MAGI1: variants seen among roughly 807,000 people sequenced by gnomAD.
MAGI1 encodes the protein membrane-associated guanylate kinase, WW and PDZ domain-containing protein 1.
Under a neutral mutation model 139.9 loss-of-function variants are expected in MAGI1, and 58 were observed. That is an observed-to-expected ratio of 0.41 (90% confidence interval 0.34 to 0.52). The LOEUF is 0.52. Ranked by LOEUF, MAGI1 falls within the 20% of genes least tolerant of loss-of-function variation. The pLI, the probability that MAGI1 is intolerant of heterozygous loss-of-function variation, is 0.12. For synonymous variants in MAGI1, 812 were observed against 737.9 expected, an observed-to-expected ratio of 1.10 and a Z score of -1.63; for missense variants, 1,874 against 1,901.6, an observed-to-expected ratio of 0.99 and a Z score of 0.27.
At chr3:65,571,412 A>T (rs2080955165) in intron 2 of MAGI1, among the ~76,000 whole-genome samples, 2 of 152,088 alleles carry the variant, frequency 1.3e-5, no homozygotes. Flanking sequence ...CTCAAAGAAA[A>T]TGGTATAGTG....
chr3:65,430,438 A>G (rs1279178737), intron 11 of MAGI1, among the ~76,000 whole-genome samples: 2 of 152,134 alleles, frequency 1.3e-5, no homozygotes, highest in African/African-American at 2.4e-5. Context: ...ATGGGGATCT[A>G]CAGTTTTAGT....
At chr3:65,786,187 C>T (rs759902657) in intron 1 of MAGI1, among the ~76,000 whole-genome samples, 4 of 151,522 alleles carry the variant, frequency 2.6e-5, no homozygotes, top group Admixed American at 6.6e-5. Context: ...AACTTCTAAC[C>T]TCAGGTGATC....
chr3:65,867,043 C>A (rs2059753355), intron 1 of MAGI1, among the ~76,000 whole-genome samples: 1 of 152,140 alleles, frequency 6.6e-6, no homozygotes, highest in South Asian at 2.1e-4. Flanking sequence ...TTCAAGGGTC[C>A]ATGAGCATGC....
At position 65,449,693 on chromosome 3, in the gene MAGI1, T is replaced by C. The variant is rs957317369; in HGVS notation, c.1043-1636A>G. Among the ~76,000 whole-genome samples the C allele has an allele frequency of 5.3e-5, 8 of 152,078 alleles. No homozygotes were observed. The South Asian group carries it at 1.7e-3, about 32-fold the overall frequency. The stretch of plus-strand genomic sequence containing the variant: ...CGGGAGGCTGAGGCAGGAGAATCGC[T>C]TGAACAGGGAGGCAAAGGTTGCAGT... On this transcript the variant is annotated intron_variant, in intron 6 of 22. Coordinates refer to ENST00000402939, the MANE Select transcript of MAGI1 (RefSeq NM_001033057.2).
At chr3:65,894,668 C>T (rs2060899777) in intron 1 of MAGI1, among the ~76,000 whole-genome samples, 1 of 152,222 alleles carries the variant, frequency 6.6e-6, no homozygotes, top group South Asian at 2.1e-4. Context: ...CCACCTAGGA[C>T]AGTGGTGCAA....
At chr3:65,622,176 C>A in intron 1 of MAGI1, 88 bp from the exon 2 acceptor site, 1 of 937,272 alleles carries the variant, frequency 1.1e-6, no homozygotes, top group Non-Finnish European at 1.7e-6. Flanking sequence ...AAGAAAGCCA[C>A]AGGATGCAGT....
chr3:66,024,257 C>G (rs1057101352), intron 1 of MAGI1, among the ~76,000 whole-genome samples: 18 of 148,002 alleles, frequency 1.2e-4, no homozygotes, highest in African/African-American at 4.0e-4. Flanking sequence ...GTTTGGTTCA[C>G]CCTTTTTTTA....
rs146423759 is a variant in MAGI1, at chr3:65,807,898, G to C, written c.314-185810C>G. 9.5e-4 allele frequency among the ~76,000 whole-genome samples: 145 copies of C among 152,260 alleles called. 1 individual carries two copies. The highest frequency in any genetic ancestry group is 3.3e-3 in the African/African-American group (138 of 41,564). On this transcript the variant is annotated intron_variant, in intron 1 of 22. Coordinates refer to ENST00000402939, the MANE Select transcript of MAGI1 (RefSeq NM_001033057.2). ...GTAAATTATCCAAGATCACAGGGCT[G>C]TTTTTTCTGATGGAGCCAAGATTTA... is the stretch of plus-strand genomic sequence containing the variant.
At chr3:65,508,936 C>T (rs1454465438) in intron 2 of MAGI1, among the ~76,000 whole-genome samples, 1 of 152,182 alleles carries the variant, frequency 6.6e-6, no homozygotes, top group African/African-American at 2.4e-5. Context: ...ATCTTTATTT[C>T]CTCCATTTGG....
intron 1 of MAGI1, among the ~76,000 whole-genome samples, chr3:65,921,003 T>C (rs1200666948): frequency 6.6e-6 from 1 of 151,278 alleles, no homozygotes; most frequent in African/African-American, 2.4e-5. Context: ...CACTCCAGCC[T>C]GGGTGACAGA....
chr3:65,738,299 G>T (rs6785772), intron 1 of MAGI1, among the ~76,000 whole-genome samples: 51,337 of 152,082 alleles, frequency 0.34, 9,093 homozygotes, highest in Non-Finnish European at 0.4. Context: ...AGCCTCCTGA[G>T]TTGCTAGGAC....
intron 1 of MAGI1, among the ~76,000 whole-genome samples, chr3:65,664,026 A>G (rs1193118997): frequency 6.6e-6 from 1 of 152,234 alleles, no homozygotes; most frequent in African/African-American, 2.4e-5. Flanking sequence ...TAATATGTTC[A>G]TTATGAAACA....
chr3:65,370,815 T>C (rs1367028260), intron 18 of MAGI1, among the ~76,000 whole-genome samples: 1 of 152,162 alleles, frequency 6.6e-6, no homozygotes, highest in African/African-American at 2.4e-5. Flanking sequence ...CCACCTCTCC[T>C]AGCTAATTGT....
chr3:65,736,290 A>G (rs2034721898), intron 1 of MAGI1, among the ~76,000 whole-genome samples: 1 of 152,204 alleles, frequency 6.6e-6, no homozygotes, highest in South Asian at 2.1e-4. Flanking sequence ...TTTTAGATCA[A>G]TGGAGTTCCA....
At chr3:65,357,154 G>A in intron 22 of MAGI1, 22 bp from the exon 23 acceptor site, 1 of 1,586,528 alleles carries the variant, frequency 6.3e-7, no homozygotes, top group Non-Finnish European at 8.6e-7. Flanking sequence ...ATAAACGAGA[G>A]CAACAGTTGG....
chr3:65,443,153 G>A (rs1163603150), intron 7 of MAGI1, among the ~76,000 whole-genome samples: 1 of 152,082 alleles, frequency 6.6e-6, no homozygotes, highest in East Asian at 1.9e-4. Context: ...AACTTGCCTT[G>A]AATGCCTAGT....
At chr3:65,707,681 C>T (rs1219931669) in intron 1 of MAGI1, among the ~76,000 whole-genome samples, 7 of 134,824 alleles carry the variant, frequency 5.2e-5, no homozygotes, top group Admixed American at 5.1e-4. Flanking sequence ...CAGAGTGATA[C>T]CCTATCTCAA....
At chr3:66,025,582 T>A (rs986450524) in intron 1 of MAGI1, among the ~76,000 whole-genome samples, 5 of 152,184 alleles carry the variant, frequency 3.3e-5, no homozygotes, top group African/African-American at 1.2e-4. Flanking sequence ...AAGTCCATGA[T>A]ATGCTGTTAG....
intron 1 of MAGI1, among the ~76,000 whole-genome samples, chr3:65,981,678 G>A (rs1295796889): frequency 6.6e-6 from 1 of 152,146 alleles, no homozygotes; most frequent in African/African-American, 2.4e-5. Flanking sequence ...CATGGGGGTG[G>A]TTTCCCCCAT....
Sources: gnomAD v4.1 joint callset for allele counts (sites outside exome capture counted in the v4.1 genomes callset) on GRCh38, gnomAD v4.1.1 for gene constraint, MANE v1.5 for transcripts, NCBI Gene and HGNC (gene_info 2026-07-23, HGNC 2026-07-21) for gene names.